Variants in RUFY2 observed in about 807,000 individuals in gnomAD.
RUFY2 encodes the protein RUN and FYVE domain containing 2, also known as RUN and FYVE domain-containing protein 2.
Under a neutral mutation model 94.4 loss-of-function variants are expected in RUFY2, and 49 were observed. The observed-to-expected ratio is 0.52, with a 90% CI of 0.41 to 0.66. RUFY2 has a LOEUF of 0.66. RUFY2 is among the 30% of genes least tolerant of loss of function. The pLI is 0.00. For synonymous variants in RUFY2, 255 were observed against 235.7 expected (o/e 1.08, Z -0.75); for missense variants, 541 against 692.8 (o/e 0.78, Z 2.46).
chr10:68,383,384 C>T (rs1275326848), intron 10 of RUFY2, among the ~76,000 whole-genome samples: 3 of 151,942 alleles, frequency 2.0e-5, no homozygotes, highest in African/African-American at 7.2e-5. Flanking sequence ...TTTGGGAGGC[C>T]AAGATAGGCA....
Position 68,348,522 on chromosome 10 carries a change from G to GAA in RUFY2, c.1600-2440_1600-2439dup, listed in dbSNP as rs11387992. ...ACAGAGGAAACTCTGTCTCTGAGGG[G>GAA]AAAAAAAAAAAAAGGCAGCAGCAGG... On this transcript the variant is annotated intron_variant, in intron 16 of 17. Coordinates refer to ENST00000602465, the MANE Select transcript of RUFY2 (RefSeq NM_001330103.2). Among the ~76,000 whole-genome samples the GAA allele has an allele frequency of 5.7e-3, 795 of 138,768 alleles. 16 individuals are homozygous for GAA. Among genetic ancestry groups the GAA allele is most frequent in the African/African-American group, 0.02 (755 of 38,000 alleles). 91.0% of individuals were successfully genotyped at this position (138,768 alleles called of 152,430 possible). A position where few individuals can be genotyped will look rare whatever the true frequency, so the allele number is the denominator to read the frequency against.
intron 3 of RUFY2, among the ~76,000 whole-genome samples, chr10:68,397,952 C>T (rs2050516012): frequency 6.6e-6 from 1 of 151,404 alleles, no homozygotes; most frequent in African/African-American, 2.4e-5. Context: ...CATGGTGAAA[C>T]CCCGTCTCTA....
intron 15 of RUFY2, among the ~76,000 whole-genome samples, chr10:68,363,142 C>T (rs781560255): frequency 6.6e-6 from 1 of 152,076 alleles, no homozygotes; most frequent in African/African-American, 2.4e-5. Context: ...TCTCTCTAGT[C>T]TAGTCTCATT....
intron 3 of RUFY2, among the ~76,000 whole-genome samples, chr10:68,400,149 TA>T (rs2050701523): frequency 6.6e-6 from 1 of 151,136 alleles, no homozygotes; most frequent in South Asian, 2.1e-4. Context: ...CCATCTCTAC[TA>T]AAAATACGAA....
At chr10:68,387,346 A>C (rs1008946175) in intron 7 of RUFY2, among the ~76,000 whole-genome samples, 1 of 152,012 alleles carries the variant, frequency 6.6e-6, no homozygotes, top group African/African-American at 2.4e-5. Flanking sequence ...AACAAGGGCA[A>C]AACTCCATCT....
At chr10:68,354,030 A>G (rs1438233802) in intron 16 of RUFY2, among the ~76,000 whole-genome samples, 2 of 152,144 alleles carry the variant, frequency 1.3e-5, no homozygotes, top group Non-Finnish European at 2.9e-5. Context: ...ATGCCAGAAG[A>G]AACAGCTAAA....
At chr10:68,366,616 C>T (rs1004762145) in intron 13 of RUFY2, among the ~76,000 whole-genome samples, 1 of 148,816 alleles carries the variant, frequency 6.7e-6, no homozygotes, top group African/African-American at 2.5e-5. Context: ...GTGGCACACA[C>T]ATTTAATCCC....
intron 14 of RUFY2, 114 bp from the exon 15 acceptor site, chr10:68,363,798 A>G: frequency 1.2e-6 from 1 of 854,958 alleles, no homozygotes. Flanking sequence ...TAAAAGAAAC[A>G]AATTGTGTCC....
At position 68,403,792 on chromosome 10, in the gene RUFY2, TC is replaced by T. The variant is rs2051049886; in HGVS notation, c.178+878del. Among the ~76,000 whole-genome samples the T allele has an allele frequency of 2.0e-5, 3 of 146,764 alleles. No homozygotes were observed. In the South Asian group the frequency reaches 7.1e-4, roughly 35 times the overall value. ...AACAAAGTTTAGGTAAATCTTTGAA[TC>T]TTTTTTTTTTTTTTTTGAGAAAGGG... On this transcript the variant is annotated intron_variant, in intron 2 of 17. Transcript: ENST00000602465.
intron 7 of RUFY2, among the ~76,000 whole-genome samples, chr10:68,387,313 C>A (rs1022363947): frequency 2.6e-5 from 4 of 151,944 alleles, no homozygotes; most frequent in Non-Finnish European, 4.4e-5. Flanking sequence ...GCCGAGATTG[C>A]GCCACTGTAC....
chr10:68,391,602 A>G (rs1313885801), intron 7 of RUFY2, among the ~76,000 whole-genome samples: 2 of 146,068 alleles, frequency 1.4e-5, no homozygotes, highest in Admixed American at 7.1e-5. Context: ...GAGCTTGATC[A>G]TGCCACTGCC....
intron 13 of RUFY2, among the ~76,000 whole-genome samples, chr10:68,375,894 A>G (rs2048602222): frequency 6.6e-6 from 1 of 151,420 alleles, no homozygotes; most frequent in Admixed American, 6.6e-5. Flanking sequence ...GTTCAGGAGT[A>G]TGAGACTAGC....
chr10:68,368,412 C>A (rs1211566756), intron 13 of RUFY2, among the ~76,000 whole-genome samples: 1 of 145,594 alleles, frequency 6.9e-6, no homozygotes, highest in Non-Finnish European at 1.5e-5. Flanking sequence ...GTAATCCCAG[C>A]ACTTTGGGAG....
rs755419558 is a variant in RUFY2, at chr10:68,343,808, T to TAAA, written c.*1957_*1959dup. The TAAA allele has an allele frequency of 2.9e-4, 33 of 115,650 alleles. No individual in the cohort carries two copies. The highest frequency in any genetic ancestry group is 1.3e-3 in the African/African-American group (32 of 25,400). 7.2% of individuals were successfully genotyped at this position (115,650 alleles called of 1,614,324 possible). A position where few individuals can be genotyped will look rare whatever the true frequency, so the allele number is the denominator to read the frequency against. ...GCAAGTTGCTGTCATAAAAGCTGCC[T>TAAA]AAAAAAAAAAAAAAAAAAAAAAAAA... On this transcript the variant is annotated 3_prime_UTR_variant, in exon 18 of 18. Transcript: ENST00000602465.
intron 16 of RUFY2, among the ~76,000 whole-genome samples, chr10:68,354,734 A>C (rs1165056925): frequency 6.6e-6 from 1 of 152,226 alleles, no homozygotes; most frequent in Non-Finnish European, 1.5e-5. Flanking sequence ...AAGTAAAAGA[A>C]CTAGTAAGTA....
At chr10:68,377,838 A>G (rs942658402) in intron 12 of RUFY2, 10 of 985,278 alleles carry the variant, frequency 1.0e-5, no homozygotes, top group Non-Finnish European at 2.4e-6. Flanking sequence ...CAACTAACTA[A>G]AAAACTCTTC....
At position 68,344,412 on chromosome 10, in the gene RUFY2, T is replaced by C. The variant is rs1029160205; in HGVS notation, c.*1356A>G. On this transcript the variant is annotated 3_prime_UTR_variant, in exon 18 of 18. Coordinates refer to ENST00000602465, the MANE Select transcript of RUFY2 (RefSeq NM_001330103.2). The stretch of plus-strand genomic sequence containing the variant: ...TAAAGTGCATGGTTAAAAATTAATG[T>C]AAAAAATAGGATACTGAATGGTGAT... 1.3e-5 allele frequency: 2 copies of C among 152,192 alleles called. No homozygotes were observed. Among genetic ancestry groups the C allele is most frequent in the African/African-American group, 4.8e-5 (2 of 41,432 alleles). 9.4% of individuals were successfully genotyped at this position (152,192 alleles called of 1,614,324 possible).
intron 4 of RUFY2, among the ~76,000 whole-genome samples, chr10:68,396,149 C>T (rs987371704): frequency 2.0e-5 from 3 of 152,178 alleles, no homozygotes; most frequent in South Asian, 4.1e-4. Context: ...CAGGCATGCG[C>T]CACCACACCC....
rs1165418927 is a variant in RUFY2, at chr10:68,344,387, T to TA, written c.*1380dup. 4.6e-5 allele frequency: 7 copies of TA among 152,218 alleles called. No homozygotes were observed. The highest frequency in any genetic ancestry group is 3.9e-4 in the East Asian group (2 of 5,192). The allele number at this position is 152,218 out of a possible 1,614,324, so 9.4% of individuals were successfully genotyped here. On this transcript the variant is annotated 3_prime_UTR_variant, in exon 18 of 18. Transcript: ENST00000602465. Reference sequence around the variant, plus strand: ...TGTATTTTTTATAGGCTCACAAACTTAAAGTGCATGGTTAAAAATTAATGT... The same window carrying TA: ...TGTATTTTTTATAGGCTCACAAACTTAAAAGTGCATGGTTAAAAATTAATGT...
Sources: gnomAD v4.1 joint callset for allele counts (sites outside exome capture counted in the v4.1 genomes callset) on GRCh38, gnomAD v4.1.1 for gene constraint, MANE v1.5 for transcripts, NCBI Gene and HGNC (gene_info 2026-07-23, HGNC 2026-07-21) for gene names.